GFI1: variants seen among roughly 807,000 people sequenced by gnomAD.
The protein encoded by GFI1 is zinc finger protein Gfi-1.
A neutral mutation model predicts 39.2 loss-of-function variants in GFI1; 15 were observed. That is an observed-to-expected ratio of 0.38 (90% CI 0.26 to 0.59). The LOEUF is 0.59. Among genes scored for constraint, GFI1 ranks in the 20% least tolerant of loss-of-function variants. GFI1 has a pLI of 0.62. For synonymous variants in GFI1, 239 were observed against 254.3 expected, an observed-to-expected ratio of 0.94 and a Z score of 0.57; for missense variants, 475 against 574.0, an observed-to-expected ratio of 0.83 and a Z score of 1.76.
At chr1:92,483,109 G>T in intron 2 of GFI1, 63 bp from the exon 3 acceptor site, 4 of 1,423,018 alleles carry the variant, frequency 2.8e-6, no homozygotes, top group South Asian at 1.3e-5. Flanking sequence ...GGTGCTGAAG[G>T]CTCCCCCAAT....
Position 92,483,049 on chromosome 1 carries a change from G to A in GFI1, c.116-3C>T, listed in dbSNP as rs1349858682. 1 of 1,581,236 alleles carries A rather than the reference G, an allele frequency of 6.3e-7. No individual in the cohort carries two copies. Among genetic ancestry groups the A allele is most frequent in the South Asian group, 1.1e-5 (1 of 87,678 alleles). On this transcript the variant is annotated splice_region_variant and splice_polypyrimidine_tract_variant and intron_variant, in intron 2 of 6. Coordinates refer to ENST00000294702, the MANE Select transcript of GFI1 (RefSeq NM_005263.5). ...CCCGCCTGCATTTGAAGTGCTGTCT[G>A]CAAAGAGGAGGCAGGTGAGGGGCTC...
chr1:92,484,094 C>T lies in GFI1; in HGVS notation c.-99-508G>A, dbSNP rs1033747133. The T allele has an allele frequency of 3.9e-5, 7 of 180,152 alleles. No homozygotes were observed. The highest frequency in any genetic ancestry group is 5.5e-3 in the Middle Eastern group (2 of 362). 11.2% of individuals were successfully genotyped at this position (180,152 alleles called of 1,614,324 possible). On this transcript the variant is annotated intron_variant, in intron 1 of 6. Transcript: ENST00000294702. The surrounding 1 kb of genome is among the most constrained non-coding windows in gnomAD (Gnocchi z 4.1). Reference sequence around the variant, plus strand: ...AAGACCTCCAAGAGCCAGCTACCAACTGGAGTGAAAGGACCGGGGGGAGGG... The same window carrying T: ...AAGACCTCCAAGAGCCAGCTACCAATTGGAGTGAAAGGACCGGGGGGAGGG...
At position 92,484,024 on chromosome 1, in the gene GFI1, GC is replaced by G. The variant is rs1658416577; in HGVS notation, c.-99-439del. ...CGGGGACACGCGGATCGGTTTAGGG[GC>G]CGGGGATGCCCAGTGGTCGAGGACC... On this transcript the variant is annotated intron_variant, in intron 1 of 6. Coordinates refer to ENST00000294702, the MANE Select transcript of GFI1 (RefSeq NM_005263.5). The surrounding 1 kb of genome is among the most constrained non-coding windows in gnomAD (Gnocchi z 4.1). 1 of 218,068 alleles carries G rather than the reference GC, an allele frequency of 4.6e-6. No individual in the cohort carries two copies. Among genetic ancestry groups the G allele is most frequent in the Admixed American group, 5.2e-5 (1 of 19,266 alleles). The allele number at this position is 218,068 out of a possible 1,614,324, so 13.5% of individuals were successfully genotyped here.
At chr1:92,476,847 T>G (rs1658004858) in intron 6 of GFI1, among the ~76,000 whole-genome samples, 1 of 152,146 alleles carries the variant, frequency 6.6e-6, no homozygotes, top group Non-Finnish European at 1.5e-5. Flanking sequence ...AAATCCACAT[T>G]TGGGCCACAA....
In GFI1 at chr1:92,476,166, T is replaced by C; in HGVS notation, c.1132A>G (p.Ser378Gly). 5 of 1,613,894 alleles carry C rather than the reference T, an allele frequency of 3.1e-6. No homozygotes were observed. Among genetic ancestry groups the C allele is most frequent in the East Asian group, 2.2e-5 (1 of 44,876 alleles). The stretch of plus-strand genomic sequence containing the variant: ...TGGGTGATGAGGTTGGAGCTCTGGC[T>C]GAATGCCTTGCCGCACACCTGGCAC... ...HKCQVCGKAF[S>G]QSSNLITHSR... is the part of the protein sequence containing the mutation. Residue 378 changes from serine to glycine, a missense_variant, in exon 7 of 7, where the codon AGC becomes GGC. Physicochemically the swap from Ser to Gly is moderately conservative, Grantham distance 56. Around this residue, in one of 4 missense-constraint regions of GFI1, gnomAD observed 112 missense variants for 202.8 expected, o/e 0.55. Coordinates refer to ENST00000294702, the MANE Select transcript of GFI1 (RefSeq NM_005263.5).
chr1:92,476,139 T>C lies in GFI1; in HGVS notation c.1159A>G (p.Ser387Gly), dbSNP rs1465591095. 2 of 1,614,010 alleles carry C rather than the reference T, an allele frequency of 1.2e-6. No homozygotes were observed. Among genetic ancestry groups the C allele is most frequent in the East Asian group, 2.2e-5 (1 of 44,884 alleles). The change falls in exon 7 of 7, where the codon AGC becomes GGC. Residue 387 changes from serine to glycine, a missense_variant. Coordinates refer to ENST00000294702, the MANE Select transcript of GFI1 (RefSeq NM_005263.5). Reference protein sequence around the residue: ...FSQSSNLITHSRKHTGFKPFG... With the variant: ...FSQSSNLITHGRKHTGFKPFG... ...GGCTTGAAGCCTGTGTGTTTGCGGC[T>C]GTGGGTGATGAGGTTGGAGCTCTGG...
rs142779589 is a variant in GFI1 at position 92,483,425 on chromosome 1, T to C, written c.63A>G (p.Pro21=). The C allele has an allele frequency of 1.3e-4, 213 of 1,613,632 alleles. 1 individual carries two copies. The African/African-American group carries it at 2.5e-3, about 19-fold the overall frequency. ...KAHSYHQPRS[P]GPDYSLRLEN... ...CTAAACGGAGGGAATAGTCTGGTCCTGGGGAGCGCGGCTGGTGGTAGCTGT... is the reference window on the plus strand; with the variant it reads ...CTAAACGGAGGGAATAGTCTGGTCCCGGGGAGCGCGGCTGGTGGTAGCTGT... The change falls in exon 2 of 7, where the codon CCA becomes CCG. Residue 21 remains proline (P), a synonymous_variant. Coordinates refer to ENST00000294702, the MANE Select transcript of GFI1 (RefSeq NM_005263.5).
chr1:92,474,446 AT>A lies in GFI1; in HGVS notation c.*1582del, dbSNP rs535036012. On this transcript the variant is annotated 3_prime_UTR_variant, in exon 7 of 7. Coordinates refer to ENST00000294702, the MANE Select transcript of GFI1 (RefSeq NM_005263.5). ...TGGGAGCCTTCAGGCCCCTAAAAAA[AT>A]ATGTTGACATTTTCAGAGGAAAGAG... Among the ~76,000 whole-genome samples the A allele has an allele frequency of 4.9e-3, 751 of 152,330 alleles. No homozygotes were observed. The highest frequency in any genetic ancestry group is 0.017 in the African/African-American group (717 of 41,566).
chr1:92,478,539 A>T lies in GFI1; in HGVS notation c.1090+49T>A, dbSNP rs1032416552. Reference sequence around the variant, plus strand: ...GGCCAGAAATCAGAGAAGATGAGTAATGTTGGCCTCAGGGTGTTTCCTACA... The same window carrying T: ...GGCCAGAAATCAGAGAAGATGAGTATTGTTGGCCTCAGGGTGTTTCCTACA... On this transcript the variant is annotated intron_variant, in intron 6 of 6. Transcript: ENST00000294702. 8 of 1,502,148 alleles carry T rather than the reference A, an allele frequency of 5.3e-6. No individual in the cohort carries two copies. In the African/African-American group the frequency reaches 6.9e-5, roughly 13 times the overall value. 93.1% of individuals were successfully genotyped at this position (1,502,148 alleles called of 1,614,324 possible). A position where few individuals can be genotyped will look rare whatever the true frequency, so the allele number is the denominator to read the frequency against.
At chr1:92,485,354 C>G (rs1389926789) in intron 1 of GFI1, among the ~76,000 whole-genome samples, 2 of 152,244 alleles carry the variant, frequency 1.3e-5, no homozygotes. Context: ...GGCGTTGTCC[C>G]GAGGGTCCCG....
In GFI1 at chr1:92,481,952, T is replaced by TGTGCGCGC. The variant is rs200635146; in HGVS notation, c.299-865_299-864insGCGCGCAC. 0.04 allele frequency among the ~76,000 whole-genome samples: 5,911 copies of TGTGCGCGC among 148,824 alleles called. 297 individuals are homozygous for TGTGCGCGC. Among genetic ancestry groups the TGTGCGCGC allele is most frequent in the East Asian group, 0.18 (852 of 4,830 alleles). ...ATTTACAAATGTGTGTGTGTGTGTG[T>TGTGCGCGC]GCGCACAACACTCCAGTTCAGGCTG... On this transcript the variant is annotated intron_variant, in intron 3 of 6. Coordinates refer to ENST00000294702, the MANE Select transcript of GFI1 (RefSeq NM_005263.5). The surrounding 1 kb of genome is among the most constrained non-coding windows in gnomAD (Gnocchi z 4.3).
At position 92,483,582 on chromosome 1, in the gene GFI1, G is replaced by A; in HGVS notation, c.-95C>T. 1.3e-6 allele frequency: 1 copy of A among 754,328 alleles called. No homozygotes were observed. The allele number at this position is 754,328 out of a possible 1,614,324, so 46.7% of individuals were successfully genotyped here. ...GGGCTTGCTCAGCCCCAGCCCGGAGGAGACCTGAGAGGGAAAGAAAACCAG... is the reference window on the plus strand; with the variant it reads ...GGGCTTGCTCAGCCCCAGCCCGGAGAAGACCTGAGAGGGAAAGAAAACCAG... On this transcript the variant is annotated 5_prime_UTR_variant, in exon 2 of 7. Coordinates refer to ENST00000294702, the MANE Select transcript of GFI1 (RefSeq NM_005263.5).
rs1170665424 is a variant in GFI1 at position 92,484,833 on chromosome 1, G to A, written c.-99-1247C>T. Among the ~76,000 whole-genome samples the A allele has an allele frequency of 6.6e-6, 1 of 152,238 alleles. No individual in the cohort carries two copies. The highest frequency in any genetic ancestry group is 1.5e-5 in the Non-Finnish European group (1 of 68,040). ...TGACCGGGTTCACACGTGAGCTGCA[G>A]TACAGCAGTTCTCCGTGGCCTCGGC... On this transcript the variant is annotated intron_variant, in intron 1 of 6. Coordinates refer to ENST00000294702, the MANE Select transcript of GFI1 (RefSeq NM_005263.5). This position sits in a 1 kb window ranked among gnomAD's most constrained non-coding sequence, Gnocchi z 4.1.
Position 92,482,956 on chromosome 1 carries a change from G to A in GFI1, c.206C>T (p.Ser69Phe), listed in dbSNP as rs370349651. The change falls in exon 3 of 7, where the codon TCC becomes TTC. Residue 69 changes from serine to phenylalanine, a missense_variant. By Grantham distance (155) the Ser-to-Phe change is radical. Transcript: ENST00000294702. The surrounding 1 kb of genome is among the most constrained non-coding windows in gnomAD (Gnocchi z 4.4). Reference protein sequence around the residue: ...SQLTEAPDRASASPDSCEGSV... With the variant: ...SQLTEAPDRAFASPDSCEGSV... ...GCCTTCGCAGCTGTCTGGGGATGCG[G>A]AGGCTCTGTCTGGGGCTTCGGTCAG... 6.2e-6 allele frequency: 10 copies of A among 1,613,702 alleles called. No homozygotes were observed. The African/African-American group carries it at 1.3e-4, about 22-fold the overall frequency.
At position 92,481,816 on chromosome 1, in the gene GFI1, G is replaced by C. The variant is rs767844815; in HGVS notation, c.299-728C>G. ...CTCAGAGAATAACTATAACTCATAA[G>C]GTTTAGCCACCACCTGCAAGGAGAC... On this transcript the variant is annotated intron_variant, in intron 3 of 6. Coordinates refer to ENST00000294702, the MANE Select transcript of GFI1 (RefSeq NM_005263.5). This position sits in a 1 kb window ranked among gnomAD's most constrained non-coding sequence, Gnocchi z 4.3. Among the ~76,000 whole-genome samples the C allele has an allele frequency of 6.6e-6, 1 of 152,156 alleles. No individual in the cohort carries two copies. Among genetic ancestry groups the C allele is most frequent in the Non-Finnish European group, 1.5e-5 (1 of 68,034 alleles).
At position 92,474,440 on chromosome 1, in the gene GFI1, A is replaced by G. The variant is rs933245904; in HGVS notation, c.*1589T>C. On this transcript the variant is annotated 3_prime_UTR_variant, in exon 7 of 7. Transcript: ENST00000294702. ...TTCATCTGGGAGCCTTCAGGCCCCTAAAAAAATATGTTGACATTTTCAGAG... is the reference window on the plus strand; with the variant it reads ...TTCATCTGGGAGCCTTCAGGCCCCTGAAAAAATATGTTGACATTTTCAGAG... Among the ~76,000 whole-genome samples, 5 of 152,122 alleles carry G rather than the reference A, an allele frequency of 3.3e-5. No individual in the cohort carries two copies. The highest frequency in any genetic ancestry group is 1.2e-4 in the African/African-American group (5 of 41,390).
In GFI1 at chr1:92,480,331, G is replaced by C. The variant is rs781185536; in HGVS notation, c.924+17C>G. On this transcript the variant is annotated intron_variant, in intron 5 of 6. Transcript: ENST00000294702. The surrounding 1 kb of genome is among the most constrained non-coding windows in gnomAD (Gnocchi z 5.6). ...TCCCCGAGCAGGGCCGCGCGCGGCG[G>C]TGCGCCCCGCGCTTACCTGCGAGTG... The C allele has an allele frequency of 1.2e-4, 182 of 1,545,308 alleles. No individual in the cohort carries two copies. Among genetic ancestry groups the C allele is most frequent in the Non-Finnish European group, 1.5e-4 (175 of 1,145,702 alleles).
Position 92,480,369 on chromosome 1 carries a change from C to T in GFI1, c.903G>A (p.Gln301=). The T allele has an allele frequency of 6.5e-7, 1 of 1,550,036 alleles. No individual in the cohort carries two copies. Residue 301 remains glutamine (Q), a synonymous_variant, in exon 5 of 7, where the codon CAG becomes CAA. Transcript: ENST00000294702. This position sits in a 1 kb window ranked among gnomAD's most constrained non-coding sequence, Gnocchi z 5.6. ...TTACCTGCGAGTGCACGGCTTTGTGCTGCTCCAGGCTCACCGCGTGCCCGA... is the reference window on the plus strand; with the variant it reads ...TTACCTGCGAGTGCACGGCTTTGTGTTGCTCCAGGCTCACCGCGTGCCCGA... ...KTFGHAVSLE[Q]HKAVHSQERS...
chr1:92,475,876 C>T lies in GFI1; in HGVS notation c.*153G>A, dbSNP rs138224605. The T allele has an allele frequency of 2.1e-5, 15 of 706,632 alleles. No individual in the cohort carries two copies. The highest frequency in any genetic ancestry group is 1.1e-4 in the Admixed American group (5 of 47,192). 43.8% of individuals were successfully genotyped at this position (706,632 alleles called of 1,614,324 possible). A position where few individuals can be genotyped will look rare whatever the true frequency, so the allele number is the denominator to read the frequency against. On this transcript the variant is annotated 3_prime_UTR_variant, in exon 7 of 7. Coordinates refer to ENST00000294702, the MANE Select transcript of GFI1 (RefSeq NM_005263.5). ...CTTCTGGCAGCTCCAGGAGGTAAGG[C>T]GAAGGAGGAGCAACCTGGTAGGATC...
Sources: gnomAD v4.1 joint callset for allele counts (sites outside exome capture counted in the v4.1 genomes callset) on GRCh38, gnomAD v4.1.1 for gene constraint, gnomAD v4.1.1 regional missense constraint, Gnocchi (gnomAD v3.1) non-coding constraint, MANE v1.5 for transcripts, NCBI Gene and HGNC (gene_info 2026-07-23, HGNC 2026-07-21) for gene names.